Variants in ADORA2B observed in about 807,000 individuals in gnomAD.
The protein encoded by ADORA2B is adenosine receptor A2b.
ADORA2B carries 18 observed loss-of-function variants against 20.8 expected under a neutral mutation model. The ratio of observed to expected loss-of-function variants is 0.87; its 90% CI spans 0.60 to 1.29. The LOEUF (loss-of-function observed/expected upper bound fraction) is 1.29. Ranked by LOEUF, ADORA2B falls within the 50% of genes most tolerant of loss-of-function variation. The probability of loss-of-function intolerance (pLI) is 0.00; values close to 1 mark genes in which losing one functional copy is unlikely to be tolerated. For missense variants in ADORA2B, 441 were observed against 422.7 expected (o/e 1.04, Z -0.38); for synonymous variants, 179 against 178.3 (o/e 1.00, Z -0.03).
chr17:15,961,229 G>A (rs2151602431), intron 1 of ADORA2B, among the ~76,000 whole-genome samples: 1 of 151,576 alleles, frequency 6.6e-6, no homozygotes, highest in South Asian at 2.1e-4. Flanking sequence ...ACAATAGTGA[G>A]TGTACCACTG....
chr17:15,948,398 C>CGATGGGG (rs1969842672), intron 1 of ADORA2B, among the ~76,000 whole-genome samples: 2 of 22,632 alleles, frequency 8.8e-5, no homozygotes, highest in Non-Finnish European at 6.8e-4. Context: ...TGGGCCCTGG[C>CGATGGGG]GGCGGGGGGC....
At position 15,951,116 on chromosome 17, in the gene ADORA2B, G is replaced by A. The variant is rs1229801224; in HGVS notation, c.335+5533G>A. ...CTGGACAGGTGGGAAGGGAGGGTCC[G>A]AGACAGCAGGTGTACAGTGAGGGCC... On this transcript the variant is annotated intron_variant, in intron 1 of 1. Transcript: ENST00000304222. Among the ~76,000 whole-genome samples the A allele has an allele frequency of 2.0e-5, 3 of 152,234 alleles. No homozygotes were observed. In the East Asian group the frequency reaches 5.8e-4, roughly 29 times the overall value.
At chr17:15,928,848 C>G in the ADORA2B span, among the ~76,000 whole-genome samples, 2 of 152,018 alleles carry the variant, frequency 1.3e-5, no homozygotes, top group African/African-American at 4.8e-5. Flanking sequence ...GAAACCTTCC[C>G]TGAGTGGTCA....
At chr17:15,939,520 G>C in the ADORA2B span, among the ~76,000 whole-genome samples, 63 of 152,298 alleles carry the variant, frequency 4.1e-4, no homozygotes, top group Admixed American at 3.2e-3. Flanking sequence ...TCCACTGCCT[G>C]TTTGACTGGG....
At chr17:15,868,133 C>T in the ADORA2B span, among the ~76,000 whole-genome samples, 139,365 of 140,004 alleles carry the variant, frequency 1, 69,370 homozygotes, top group Middle Eastern at 1. Context: ...GGATTAAGGG[C>T]GGTGCAAGAT....
chr17:15,928,383 C>T, the ADORA2B span, among the ~76,000 whole-genome samples: 1 of 150,390 alleles, frequency 6.6e-6, no homozygotes. Context: ...GGAAAGATAA[C>T]AGTGCATTCT....
At chr17:15,941,508 G>A (rs12453948), upstream of ADORA2B, among the ~76,000 whole-genome samples, 16,243 of 151,860 alleles carry the variant, frequency 0.11, 1,166 homozygotes, top group South Asian at 0.23. Flanking sequence ...TGGGAGGATC[G>A]CTTGAGCCCA....
At chr17:15,884,788 T>C in the ADORA2B span, among the ~76,000 whole-genome samples, 1 of 152,212 alleles carries the variant, frequency 6.6e-6, no homozygotes, top group South Asian at 2.1e-4. Flanking sequence ...CCATGGTGTA[T>C]ATGTACCGTA....
At chr17:15,964,792 T>C (rs1325389101) in intron 1 of ADORA2B, among the ~76,000 whole-genome samples, 4 of 149,350 alleles carry the variant, frequency 2.7e-5, no homozygotes, top group East Asian at 2.0e-4. Context: ...CCGGGCGCGG[T>C]GGCTCACGCC....
At chr17:15,914,525 T>C in the ADORA2B span, among the ~76,000 whole-genome samples, 1 of 152,248 alleles carries the variant, frequency 6.6e-6, no homozygotes, top group East Asian at 1.9e-4. Flanking sequence ...ACAGGATGTG[T>C]CTATTGTCAC....
the ADORA2B span, among the ~76,000 whole-genome samples, chr17:15,866,983 C>T: frequency 2.6e-5 from 4 of 152,380 alleles, no homozygotes; most frequent in South Asian, 2.1e-4. Context: ...GACGGGGTTT[C>T]GATGTGTTGG....
chr17:15,903,599 G>A, the ADORA2B span, among the ~76,000 whole-genome samples: 1 of 151,858 alleles, frequency 6.6e-6, no homozygotes, highest in Non-Finnish European at 1.5e-5. Context: ...CCCCACCCTA[G>A]CATCTCACTT....
chr17:15,945,068 T>A (rs1001690493), upstream of ADORA2B: 4 of 412,826 alleles, frequency 9.7e-6, no homozygotes, highest in Middle Eastern at 7.0e-4. Context: ...GGGTGCCGCC[T>A]CTTGGCCGCG....
chr17:15,934,993 G>C, the ADORA2B span, among the ~76,000 whole-genome samples: 1 of 151,996 alleles, frequency 6.6e-6, no homozygotes, highest in Non-Finnish European at 1.5e-5. Context: ...TTTTGGTAGA[G>C]ACAGAGTTTC....
chr17:15,862,217 T>TTTC, the ADORA2B span, among the ~76,000 whole-genome samples: 3 of 79,592 alleles, frequency 3.8e-5, no homozygotes, highest in East Asian at 2.8e-4. Flanking sequence ...TTTTCTTTTT[T>TTTC]TTTTTTTTTT....
the ADORA2B span, among the ~76,000 whole-genome samples, chr17:15,934,776 T>C: frequency 6.6e-6 from 1 of 152,170 alleles, no homozygotes; most frequent in Non-Finnish European, 1.5e-5. Context: ...AATTATTGTT[T>C]TATGCTGTCT....
At chr17:15,923,973 C>T in the ADORA2B span, among the ~76,000 whole-genome samples, 4 of 152,092 alleles carry the variant, frequency 2.6e-5, no homozygotes, top group South Asian at 6.2e-4. Flanking sequence ...AGCGCAATGG[C>T]GTGATCTTGG....
intron 1 of ADORA2B, among the ~76,000 whole-genome samples, chr17:15,958,016 TC>T (rs770440226): frequency 0.011 from 1,570 of 144,304 alleles, 46 homozygotes; most frequent in African/African-American, 0.03. Flanking sequence ...CAGGTACACT[TC>T]CTTTTTTTTT....
the ADORA2B span, among the ~76,000 whole-genome samples, chr17:15,910,391 C>T: frequency 6.6e-6 from 1 of 151,936 alleles, no homozygotes; most frequent in Non-Finnish European, 1.5e-5. Context: ...TCCATCTCCT[C>T]GGTTCAAGTG....
Sources: allele counts gnomAD v4.1 joint callset (sites outside exome capture counted in the v4.1 genomes callset), GRCh38; gene constraint gnomAD v4.1.1; transcripts MANE v1.5; gene names NCBI Gene and HGNC (gene_info 2026-07-23, HGNC 2026-07-21).